Variants in CTSS observed in about 807,000 individuals in gnomAD.
CTSS encodes cathepsin S.
Under a neutral mutation model 39.9 loss-of-function variants are expected in CTSS, and 15 were observed. The ratio of observed to expected loss-of-function variants is 0.38; its 90% CI spans 0.25 to 0.58. The LOEUF (loss-of-function observed/expected upper bound fraction) is 0.58, where lower values mean the gene tolerates loss of function less well. Ranked by LOEUF, CTSS falls within the 20% of genes least tolerant of loss-of-function variation. The pLI is 0.70. For missense variants in CTSS, 250 were observed against 398.2 expected (o/e 0.63, Z 3.17); for synonymous variants, 126 against 138.2 (o/e 0.91, Z 0.62).
intron 7 of CTSS, among the ~76,000 whole-genome samples, chr1:150,743,112 G>C (rs1464231534): frequency 6.6e-6 from 1 of 152,050 alleles, no homozygotes; most frequent in Non-Finnish European, 1.5e-5. Flanking sequence ...AGATGAGTTT[G>C]CTTTGATATA....
intron 7 of CTSS, among the ~76,000 whole-genome samples, chr1:150,742,592 T>C (rs1652790247): frequency 6.6e-6 from 1 of 152,148 alleles, no homozygotes; most frequent in African/African-American, 2.4e-5. Flanking sequence ...TTCAGAATTT[T>C]TGAGCAGGAG....
At chr1:150,743,496 G>GATATAT (rs10609824) in intron 7 of CTSS, among the ~76,000 whole-genome samples, 61 of 124,908 alleles carry the variant, frequency 4.9e-4, no homozygotes, top group African/African-American at 1.6e-3. Flanking sequence ...GAGGCTGGGA[G>GATATAT]ATATATATAT....
chr1:150,763,106 A>T (rs1304677751), intron 2 of CTSS, among the ~76,000 whole-genome samples: 2 of 61,420 alleles, frequency 3.3e-5, no homozygotes, highest in East Asian at 5.3e-4. Context: ...TTTAGCCTTA[A>T]AAAAAAAAAA....
intron 5 of CTSS, 111 bp from the exon 6 acceptor site, chr1:150,750,282 G>A: frequency 2.5e-6 from 2 of 807,176 alleles, no homozygotes; most frequent in Non-Finnish European, 3.8e-6. Context: ...ACTTTTTCAT[G>A]TGTCTAAGGC....
At chr1:150,734,290 G>T (rs888544115) in intron 7 of CTSS, among the ~76,000 whole-genome samples, 3 of 151,812 alleles carry the variant, frequency 2.0e-5, no homozygotes, top group Non-Finnish European at 2.9e-5. Context: ...GGCTCCCAAA[G>T]AGTTGGGATT....
chr1:150,762,942 A>G (rs587729611), intron 2 of CTSS, among the ~76,000 whole-genome samples: 1 of 152,272 alleles, frequency 6.6e-6, no homozygotes, highest in South Asian at 2.1e-4. Flanking sequence ...AGGAAGCGCA[A>G]TCAGTATGTC....
At position 150,747,272 on chromosome 1, in the gene CTSS, T is replaced by C. The variant is rs587748893; in HGVS notation, c.896+505A>G. On this transcript the variant is annotated intron_variant, in intron 7 of 7. Coordinates refer to ENST00000368985, the MANE Select transcript of CTSS (RefSeq NM_004079.5). ...TATGGGGGAGAGAGTACTGAATTAT[T>C]TGGATGTATTGAGTTTGGAAAGACT... Among the ~76,000 whole-genome samples, 306 of 152,180 alleles carry C rather than the reference T, an allele frequency of 2.0e-3. 1 individual carries two copies. The highest frequency in any genetic ancestry group is 7.1e-3 in the African/African-American group (296 of 41,524).
chr1:150,750,791 C>T (rs919543885), intron 5 of CTSS, among the ~76,000 whole-genome samples: 4 of 152,026 alleles, frequency 2.6e-5, no homozygotes, highest in Admixed American at 2.6e-4. Context: ...CAGGTGTGCA[C>T]CACCATGCCT....
chr1:150,757,072 A>T (rs1653148221), intron 3 of CTSS, among the ~76,000 whole-genome samples: 1 of 152,174 alleles, frequency 6.6e-6, no homozygotes, highest in Non-Finnish European at 1.5e-5. Context: ...AAAAACTGCC[A>T]TGGAATAAAA....
chr1:150,740,381 C>G (rs1343612447), intron 7 of CTSS, among the ~76,000 whole-genome samples: 1 of 151,780 alleles, frequency 6.6e-6, no homozygotes, highest in Non-Finnish European at 1.5e-5. Flanking sequence ...TAATACCTTT[C>G]TTTTTTTTCC....
chr1:150,747,727 A>C, intron 7 of CTSS, 50 bp downstream of exon 7: 4 of 1,124,892 alleles, frequency 3.6e-6, no homozygotes, highest in Non-Finnish European at 5.4e-6. Flanking sequence ...ATTTGCTGAA[A>C]CTCCCTCAAA....
At chr1:150,748,934 G>A (rs1388642252) in intron 6 of CTSS, among the ~76,000 whole-genome samples, 1 of 152,090 alleles carries the variant, frequency 6.6e-6, no homozygotes, top group African/African-American at 2.4e-5. Context: ...AATGATCTTT[G>A]ATGTTACTTC....
At chr1:150,751,434 G>A (rs904805841) in intron 5 of CTSS, among the ~76,000 whole-genome samples, 8 of 151,954 alleles carry the variant, frequency 5.3e-5, no homozygotes, top group Admixed American at 3.3e-4. Context: ...TTTTGGTAGA[G>A]ACAGGGTTTC....
chr1:150,733,230 T>G (rs980694534), intron 7 of CTSS, 85 bp from the exon 8 acceptor site: 17 of 998,116 alleles, frequency 1.7e-5, no homozygotes, highest in African/African-American at 3.3e-5. Context: ...TTTTCTCCTA[T>G]AAGTGATTAC....
chr1:150,755,229 C>T, intron 3 of CTSS, 79 bp from the exon 4 acceptor site: 1 of 1,496,146 alleles, frequency 6.7e-7, no homozygotes, highest in East Asian at 2.3e-5. Context: ...GTGATTTTGT[C>T]ATTGTGAAAA....
rs773745475 is a variant in CTSS, at chr1:150,764,618, C to G, written c.126+20G>C. 3 of 1,613,532 alleles carry G rather than the reference C, an allele frequency of 1.9e-6. No homozygotes were observed. The Admixed American group carries it at 5.0e-5, about 27-fold the overall frequency. The stretch of plus-strand genomic sequence containing the variant: ...AGTACTCCTTTAAAAGCATATCGCT[C>G]GAGTGGCAATCCAATCTACCTTTTC... On this transcript the variant is annotated intron_variant, in intron 2 of 7. Transcript: ENST00000368985.
At chr1:150,759,662 A>G (rs927681311) in intron 2 of CTSS, among the ~76,000 whole-genome samples, 1 of 152,126 alleles carries the variant, frequency 6.6e-6, no homozygotes, top group Non-Finnish European at 1.5e-5. Flanking sequence ...AATTTTATTC[A>G]GAGTGAATTT....
chr1:150,756,480 C>T (rs1653129179), intron 3 of CTSS, among the ~76,000 whole-genome samples: 1 of 152,158 alleles, frequency 6.6e-6, no homozygotes, highest in Admixed American at 6.5e-5. Flanking sequence ...ATACCACTGG[C>T]AGAGCAGTAG....
At chr1:150,765,287 GT>G (rs144296504) in intron 1 of CTSS, among the ~76,000 whole-genome samples, 14,898 of 136,778 alleles carry the variant, frequency 0.11, 841 homozygotes, top group East Asian at 0.25. Flanking sequence ...TCCTTTTTAC[GT>G]TTTTTTTTTT....
Sources: gnomAD v4.1 joint callset for allele counts (sites outside exome capture counted in the v4.1 genomes callset) on GRCh38, gnomAD v4.1.1 for gene constraint, MANE v1.5 for transcripts, NCBI Gene and HGNC (gene_info 2026-07-23, HGNC 2026-07-21) for gene names.